The following PCDHGA3 variants were observed in gnomAD, a reference collection of about 807,000 sequenced individuals.
The protein encoded by PCDHGA3 is protocadherin gamma-A3.
A neutral mutation model predicts 58.5 loss-of-function variants in PCDHGA3; 40 were observed. That is an observed-to-expected ratio of 0.68 (90% CI 0.53 to 0.89). The LOEUF (loss-of-function observed/expected upper bound fraction) is 0.89. Ranked by LOEUF, PCDHGA3 falls within the 40% of genes least tolerant of loss-of-function variation. PCDHGA3 has a pLI of 0.00. For missense variants in PCDHGA3, 1,223 were observed against 1,195.9 expected (o/e 1.02, Z -0.33); for synonymous variants, 530 against 525.7 (o/e 1.01, Z -0.11).
chr5:141,476,412 G>T lies in PCDHGA3; in HGVS notation c.2425-18395G>T. The T allele has an allele frequency of 1.2e-6, 2 of 1,614,140 alleles. No homozygotes were observed. Among genetic ancestry groups the T allele is most frequent in the Non-Finnish European group, 1.7e-6 (2 of 1,180,010 alleles). On this transcript the variant is annotated intron_variant, in intron 1 of 3. Coordinates refer to ENST00000253812, the MANE Select transcript of PCDHGA3 (RefSeq NM_018916.4). The surrounding 1 kb of genome is among the most constrained non-coding windows in gnomAD (Gnocchi z 7.6). ...CGTCTGGATCGAGAGGAGCTGTGTGGGACACTGCCCTCTTGCACTGTAACT... is the reference window on the plus strand; with the variant it reads ...CGTCTGGATCGAGAGGAGCTGTGTGTGACACTGCCCTCTTGCACTGTAACT...
At chr5:141,349,179 G>T (rs1588475896) in intron 1 of PCDHGA3, among the ~76,000 whole-genome samples, 1 of 152,044 alleles carries the variant, frequency 6.6e-6, no homozygotes. Flanking sequence ...AAGTGATTCT[G>T]CTGCCTCAAC....
rs1342517284 is a variant in PCDHGA3 at position 141,383,674 on chromosome 5, A to G, written c.2424+37217A>G. ...TGTCCCCGAGAATGTGCCAGTGGGT[A>G]CAAGACTGCTCACGGTACATGCTAT... On this transcript the variant is annotated intron_variant, in intron 1 of 3. Coordinates refer to ENST00000253812, the MANE Select transcript of PCDHGA3 (RefSeq NM_018916.4). 9.3e-6 allele frequency: 15 copies of G among 1,614,034 alleles called. No individual in the cohort carries two copies. The East Asian group carries it at 3.3e-4, about 36-fold the overall frequency.
chr5:141,427,907 C>T, intron 1 of PCDHGA3: 1 of 1,575,688 alleles, frequency 6.3e-7, no homozygotes, highest in Non-Finnish European at 8.7e-7. Flanking sequence ...CCGCGCTCAG[C>T]GCCAACATGA....
intron 1 of PCDHGA3, among the ~76,000 whole-genome samples, chr5:141,444,012 G>T (rs1355186604): frequency 1.3e-5 from 2 of 152,058 alleles, no homozygotes; most frequent in African/African-American, 4.8e-5. Flanking sequence ...CTGGGTATTG[G>T]CTTCTAAAAG....
At chr5:141,370,613 A>G (rs753080361) in intron 1 of PCDHGA3, 6 of 1,613,908 alleles carry the variant, frequency 3.7e-6, no homozygotes, top group Non-Finnish European at 5.1e-6. Context: ...CAGAGAAGAA[A>G]TTCTTTACCG....
chr5:141,478,631 A>G (rs781339775), intron 1 of PCDHGA3: 1 of 1,553,196 alleles, frequency 6.4e-7, no homozygotes, highest in Non-Finnish European at 8.7e-7. Context: ...CTGTTTTTTT[A>G]GTGATGAAGA....
intron 1 of PCDHGA3, among the ~76,000 whole-genome samples, chr5:141,379,889 C>CTTTTTTTTTGTTTTTTTTTTTTTTTTT (rs1775948001): frequency 2.0e-5 from 1 of 50,830 alleles, no homozygotes; most frequent in Non-Finnish European, 3.9e-5. Context: ...GTGAAAGCCT[C>CTTTTTTTTTGTTTTTTTTTTTTTTTTT]TTTTTTTTTT....
intron 1 of PCDHGA3, chr5:141,383,906 C>T (rs1779578930): frequency 6.2e-7 from 1 of 1,613,814 alleles, no homozygotes; most frequent in African/African-American, 1.3e-5. Flanking sequence ...GTACTGATCA[C>T]AGTTTTAGAT....
At chr5:141,446,860 G>A (rs969206755) in intron 1 of PCDHGA3, among the ~76,000 whole-genome samples, 17 of 152,162 alleles carry the variant, frequency 1.1e-4, no homozygotes, top group African/African-American at 3.9e-4. Flanking sequence ...CTTCCTGATA[G>A]CTCTACACTG....
chr5:141,503,221 C>T (rs528636727), intron 2 of PCDHGA3, among the ~76,000 whole-genome samples: 34 of 152,074 alleles, frequency 2.2e-4, no homozygotes, highest in Middle Eastern at 6.8e-3. Flanking sequence ...CCATGAGCAC[C>T]GTAAAGATGG....
Position 141,511,995 on chromosome 5 carries a change from A to G in PCDHGA3, c.*822A>G, listed in dbSNP as rs1049905198. The G allele has an allele frequency of 1.3e-5, 2 of 153,074 alleles. No homozygotes were observed. The highest frequency in any genetic ancestry group is 4.8e-5 in the African/African-American group (2 of 41,464). The allele number at this position is 153,074 out of a possible 1,614,324, so 9.5% of individuals were successfully genotyped here. On this transcript the variant is annotated 3_prime_UTR_variant, in exon 4 of 4. Transcript: ENST00000253812. The stretch of plus-strand genomic sequence containing the variant: ...GGATGTGGATGGTGGGGGCATGGAC[A>G]AAGCTTGACACATCAAGTTATCAAG...
intron 1 of PCDHGA3, chr5:141,355,448 C>A: frequency 1.9e-6 from 3 of 1,614,092 alleles, no homozygotes; most frequent in Non-Finnish European, 2.5e-6. Flanking sequence ...CGCAGCGGCA[C>A]CTTGGTCACC....
At chr5:141,453,482 A>T (rs979979155) in intron 1 of PCDHGA3, among the ~76,000 whole-genome samples, 1 of 151,990 alleles carries the variant, frequency 6.6e-6, no homozygotes, top group Non-Finnish European at 1.5e-5. Context: ...CAAAACTATT[A>T]AAAAAAGGTG....
intron 1 of PCDHGA3, chr5:141,404,106 C>G: frequency 1.2e-6 from 2 of 1,613,428 alleles, no homozygotes; most frequent in Non-Finnish European, 1.7e-6. Flanking sequence ...GTTGTCTGTT[C>G]TATCCAGGAG....
intron 1 of PCDHGA3, among the ~76,000 whole-genome samples, chr5:141,445,751 G>T (rs1211416281): frequency 2.0e-5 from 3 of 152,102 alleles, no homozygotes; most frequent in Non-Finnish European, 4.4e-5. Context: ...AAAAATAAAA[G>T]GTGTGACTCA....
chr5:141,415,519 A>G, intron 1 of PCDHGA3: 1 of 1,614,182 alleles, frequency 6.2e-7, no homozygotes, highest in Non-Finnish European at 8.5e-7. Context: ...TTATGCGGAC[A>G]CGCTCATCAG....
At chr5:141,410,526 C>T in intron 1 of PCDHGA3, 4 of 1,613,920 alleles carry the variant, frequency 2.5e-6, no homozygotes, top group Non-Finnish European at 3.4e-6. Context: ...CCCCTACATT[C>T]CAATGAAGAC....
chr5:141,406,796 T>C (rs1010773625), intron 1 of PCDHGA3, among the ~76,000 whole-genome samples: 7 of 152,362 alleles, frequency 4.6e-5, no homozygotes, highest in Admixed American at 1.3e-4. Flanking sequence ...TATTTCTGGC[T>C]CAATTCTCCA....
At chr5:141,495,292 C>T (rs74321313) in intron 2 of PCDHGA3, among the ~76,000 whole-genome samples, 8,567 of 152,256 alleles carry the variant, frequency 0.056, 526 homozygotes, top group African/African-American at 0.16. Context: ...CCGCACTCAG[C>T]GCCTCCTCCA....
Sources: allele counts gnomAD v4.1 joint callset (sites outside exome capture counted in the v4.1 genomes callset), GRCh38; gene constraint gnomAD v4.1.1; non-coding constraint Gnocchi (gnomAD v3.1); transcripts MANE v1.5; gene names NCBI Gene and HGNC (gene_info 2026-07-23, HGNC 2026-07-21).